LRRC4C: variants seen among roughly 807,000 people sequenced by gnomAD.
LRRC4C encodes the protein leucine rich repeat containing 4C, also known as leucine-rich repeat-containing protein 4C.
Under a neutral mutation model 33.6 loss-of-function variants are expected in LRRC4C, and 5 were observed. The ratio of observed to expected loss-of-function variants is 0.15; its 90% confidence interval spans 0.08 to 0.31. The LOEUF (loss-of-function observed/expected upper bound fraction) is 0.31. Among genes scored for constraint, LRRC4C ranks in the 10% least tolerant of loss-of-function variants. The probability of loss-of-function intolerance (pLI) is 1.00; values close to 1 mark genes in which losing one functional copy is unlikely to be tolerated. For synonymous variants in LRRC4C, 329 were observed against 302.0 expected, an observed-to-expected ratio of 1.09 and a Z score of -0.93; for missense variants, 560 against 796.7, an observed-to-expected ratio of 0.70 and a Z score of 3.58.
intron 2 of LRRC4C, among the ~76,000 whole-genome samples, chr11:40,899,124 A>T (rs999180599): frequency 1.3e-5 from 2 of 151,780 alleles, no homozygotes; most frequent in African/African-American, 2.4e-5. Context: ...TTTATTTAGT[A>T]AAGAACTCAT....
intron 3 of LRRC4C, among the ~76,000 whole-genome samples, chr11:40,425,881 A>G (rs1950693324): frequency 6.6e-6 from 1 of 152,204 alleles, no homozygotes. Flanking sequence ...ATGGTAGGAA[A>G]TGCTGCTAAA....
rs568583395 is a variant in LRRC4C at position 40,135,202 on chromosome 11, C to A, written c.-43+5599G>T. On this transcript the variant is annotated intron_variant, in intron 6 of 6. Coordinates refer to ENST00000528697, the MANE Select transcript of LRRC4C (RefSeq NM_001258419.2). ...TTTTTTTGTTTCTTCCTAATGACTGCAAAATAGGGAATTATTCAGCAAATG... is the reference window on the plus strand; with the variant it reads ...TTTTTTTGTTTCTTCCTAATGACTGAAAAATAGGGAATTATTCAGCAAATG... Among the ~76,000 whole-genome samples the A allele has an allele frequency of 1.2e-4, 19 of 152,206 alleles. No homozygotes were observed. The South Asian group carries it at 3.9e-3, about 32-fold the overall frequency.
At chr11:40,191,929 C>T (rs1466403277) in intron 5 of LRRC4C, among the ~76,000 whole-genome samples, 1 of 152,132 alleles carries the variant, frequency 6.6e-6, no homozygotes, top group Non-Finnish European at 1.5e-5. Context: ...CACTGCACTC[C>T]ACCCTGGGTG....
rs531415912 is a variant in LRRC4C, at chr11:41,330,349, CTG to C, written c.-496+129080_-496+129081del. On this transcript the variant is annotated intron_variant, in intron 1 of 6. Coordinates refer to ENST00000528697, the MANE Select transcript of LRRC4C (RefSeq NM_001258419.2). ...TTTTGTTTTGTTTTGTTTTAATTAT[CTG>C]TGTCAATAGATTATATTATCAATGA... Among the ~76,000 whole-genome samples the C allele has an allele frequency of 9.2e-3, 1,393 of 151,928 alleles. 11 individuals carry two copies. Among genetic ancestry groups the C allele is most frequent in the Non-Finnish European group, 0.017 (1,145 of 67,966 alleles).
At chr11:41,309,392 G>A (rs998202885) in intron 1 of LRRC4C, among the ~76,000 whole-genome samples, 1 of 152,164 alleles carries the variant, frequency 6.6e-6, no homozygotes, top group Admixed American at 6.5e-5. Flanking sequence ...TGCGGTCTCT[G>A]ATTTCTTTTT....
intron 2 of LRRC4C, among the ~76,000 whole-genome samples, chr11:40,659,236 C>A (rs1943294530): frequency 6.6e-6 from 1 of 152,342 alleles, no homozygotes; most frequent in African/African-American, 2.4e-5. Flanking sequence ...TGCTGACATG[C>A]CAGTCCCCTG....
intron 2 of LRRC4C, among the ~76,000 whole-genome samples, chr11:40,821,781 C>T (rs146092928): frequency 1.3e-5 from 2 of 151,746 alleles, no homozygotes; most frequent in East Asian, 1.9e-4. Context: ...AACATGGTAT[C>T]CTTGATTCAA....
At chr11:41,436,314 T>G (rs1955426898) in intron 1 of LRRC4C, among the ~76,000 whole-genome samples, 1 of 152,248 alleles carries the variant, frequency 6.6e-6, no homozygotes, top group South Asian at 2.1e-4. Context: ...TTCATGACAA[T>G]TCTGTTAAGA....
At chr11:41,096,723 A>G (rs891625327) in intron 1 of LRRC4C, among the ~76,000 whole-genome samples, 1 of 152,160 alleles carries the variant, frequency 6.6e-6, no homozygotes, top group Non-Finnish European at 1.5e-5. Flanking sequence ...CAAACGGCAA[A>G]GATGGAGGGA....
chr11:40,458,756 A>C (rs1952251357), intron 3 of LRRC4C, among the ~76,000 whole-genome samples: 2 of 152,306 alleles, frequency 1.3e-5, no homozygotes, highest in Admixed American at 1.3e-4. Flanking sequence ...GAAATCCAAA[A>C]ATCTCATAGG....
Position 40,711,502 on chromosome 11 carries a change from C to T in LRRC4C, c.-406-63224G>A, listed in dbSNP as rs144388248. ...AATAATTCAGGTTATGGTAGAGAGACTGTTTTATAGAGGCAGCAGTCATCA... is the reference window on the plus strand; with the variant it reads ...AATAATTCAGGTTATGGTAGAGAGATTGTTTTATAGAGGCAGCAGTCATCA... On this transcript the variant is annotated intron_variant, in intron 2 of 6. Coordinates refer to ENST00000528697, the MANE Select transcript of LRRC4C (RefSeq NM_001258419.2). Among the ~76,000 whole-genome samples, 502 of 152,122 alleles carry T rather than the reference C, an allele frequency of 3.3e-3. 3 individuals are homozygous for T. The highest frequency in any genetic ancestry group is 0.012 in the African/African-American group (481 of 41,502).
chr11:40,639,880 G>A (rs1942003172), intron 3 of LRRC4C, among the ~76,000 whole-genome samples: 1 of 151,964 alleles, frequency 6.6e-6, no homozygotes, highest in Non-Finnish European at 1.5e-5. Flanking sequence ...CCAATGTTAT[G>A]ATTGTTTCAC....
chr11:40,568,046 T>C (rs1049039306), intron 3 of LRRC4C, among the ~76,000 whole-genome samples: 1 of 152,174 alleles, frequency 6.6e-6, no homozygotes, highest in Non-Finnish European at 1.5e-5. Flanking sequence ...TTTTGTAAAA[T>C]CCCCGCCCCT....
intron 2 of LRRC4C, among the ~76,000 whole-genome samples, chr11:40,770,411 T>C (rs912914610): frequency 2.0e-5 from 3 of 152,136 alleles, no homozygotes; most frequent in Admixed American, 2.0e-4. Flanking sequence ...CCCCAACACA[T>C]GGGGATTGCA....
chr11:40,299,287 C>T (rs765056084), intron 4 of LRRC4C, among the ~76,000 whole-genome samples: 1 of 152,184 alleles, frequency 6.6e-6, no homozygotes, highest in South Asian at 2.1e-4. Context: ...CCTGTTGATG[C>T]TGTCTCAGGA....
In LRRC4C at chr11:40,631,960, A is replaced by C. The variant is rs141818964; in HGVS notation, c.-270+16182T>G. On this transcript the variant is annotated intron_variant, in intron 3 of 6. Transcript: ENST00000528697. ...AACATCCTTACCAAATATTTCCTAAATGTTATGACATTCACTTGAAGCAGA... is the reference window on the plus strand; with the variant it reads ...AACATCCTTACCAAATATTTCCTAACTGTTATGACATTCACTTGAAGCAGA... Among the ~76,000 whole-genome samples the C allele has an allele frequency of 1.9e-3, 294 of 152,290 alleles. 1 individual carries two copies. Among genetic ancestry groups the C allele is most frequent in the African/African-American group, 6.8e-3 (283 of 41,562 alleles).
At chr11:40,446,024 C>T (rs1372121215) in intron 3 of LRRC4C, 1 of 152,176 alleles carries the variant, frequency 6.6e-6, no homozygotes, top group Non-Finnish European at 1.5e-5. Context: ...TGTGTATTCT[C>T]TGAAATGAGC....
At chr11:40,591,451 C>A (rs568406557) in intron 3 of LRRC4C, among the ~76,000 whole-genome samples, 1 of 152,316 alleles carries the variant, frequency 6.6e-6, no homozygotes, top group Non-Finnish European at 1.5e-5. Flanking sequence ...GCATCACTCA[C>A]GCTGGGAGCT....
At chr11:41,201,772 G>GA (rs1435156266) in intron 1 of LRRC4C, among the ~76,000 whole-genome samples, 1 of 151,852 alleles carries the variant, frequency 6.6e-6, no homozygotes, top group African/African-American at 2.4e-5. Flanking sequence ...CATTTTTTTG[G>GA]AAAAATGTTA....
Sources: gnomAD v4.1 joint callset for allele counts (sites outside exome capture counted in the v4.1 genomes callset) on GRCh38, gnomAD v4.1.1 for gene constraint, MANE v1.5 for transcripts, NCBI Gene and HGNC (gene_info 2026-07-23, HGNC 2026-07-21) for gene names.